Variants in DIP2B observed in about 807,000 individuals in gnomAD.
DIP2B encodes DIP2 acetate--CoA ligase B (putative), also known as disco-interacting protein 2 homolog B.
Under a neutral mutation model 198.0 loss-of-function variants are expected in DIP2B, and 76 were observed. That is an observed-to-expected ratio of 0.38 (90% CI 0.32 to 0.46). The LOEUF is 0.46. DIP2B is among the 20% of genes least tolerant of loss of function. DIP2B has a pLI of 0.99. For missense variants in DIP2B, 1,559 were observed against 1,978.4 expected, an observed-to-expected ratio of 0.79 and a Z score of 4.02; for synonymous variants, 701 against 739.1, an observed-to-expected ratio of 0.95 and a Z score of 0.84.
intron 31 of DIP2B, among the ~76,000 whole-genome samples, chr12:50,731,750 T>C (rs1940046687): frequency 6.6e-6 from 1 of 152,212 alleles, no homozygotes; most frequent in South Asian, 2.1e-4. Flanking sequence ...GATTCTTACT[T>C]TGTGGACAAG....
Position 50,685,975 on chromosome 12 carries a change from G to T in DIP2B, c.1441+19G>T, listed in dbSNP as rs758771326. 1.2e-6 allele frequency: 2 copies of T among 1,603,240 alleles called. No homozygotes were observed. Among genetic ancestry groups the T allele is most frequent in the Non-Finnish European group, 8.5e-7 (1 of 1,175,376 alleles). Reference sequence around the variant, plus strand: ...TTTAAAGGTTAGTAACATTGTACCTGAATTATCAGTTAAAAGTTAAAACTG... The same window carrying T: ...TTTAAAGGTTAGTAACATTGTACCTTAATTATCAGTTAAAAGTTAAAACTG... On this transcript the variant is annotated intron_variant, in intron 11 of 37. Transcript: ENST00000301180.
At chr12:50,657,222 A>AT (rs1938569787) in intron 3 of DIP2B, 2 of 98,250 alleles carry the variant, frequency 2.0e-5, no homozygotes, top group East Asian at 7.5e-4. Context: ...ATCTCTATTT[A>AT]CAAAAAAAAA....
intron 1 of DIP2B, among the ~76,000 whole-genome samples, chr12:50,529,150 A>G (rs1958193302): frequency 6.6e-6 from 1 of 152,056 alleles, no homozygotes; most frequent in African/African-American, 2.4e-5. Context: ...GTGTGGTGGC[A>G]TGCGCCTGTA....
intron 30 of DIP2B, among the ~76,000 whole-genome samples, chr12:50,730,370 T>TTC (rs752705883): frequency 4.4e-5 from 5 of 113,998 alleles, no homozygotes; most frequent in Non-Finnish European, 6.7e-5. Flanking sequence ...GTTTCTTTCT[T>TTC]TCTCTCTCTC....
chr12:50,725,396 G>A (rs2139591283), intron 28 of DIP2B, among the ~76,000 whole-genome samples: 1 of 152,280 alleles, frequency 6.6e-6, no homozygotes, highest in South Asian at 2.1e-4. Context: ...ATATGAAAAT[G>A]CTATACTTCG....
In DIP2B at chr12:50,722,170, T is replaced by C. The variant is rs1303826366; in HGVS notation, c.3166+774T>C. Among the ~76,000 whole-genome samples the C allele has an allele frequency of 2.6e-5, 4 of 152,210 alleles. 1 individual carries two copies. The highest frequency in any genetic ancestry group is 2.4e-5 in the African/African-American group (1 of 41,468). On this transcript the variant is annotated intron_variant, in intron 26 of 37. Transcript: ENST00000301180. ...TCCCTTCATTATTTCTGTCACCTAA[T>C]CCACTCATACATCCAGCTTTCTTTG...
At chr12:50,742,432 T>C in intron 37 of DIP2B, among the ~76,000 whole-genome samples, 1 of 117,158 alleles carries the variant, frequency 8.5e-6, no homozygotes, top group Non-Finnish European at 1.9e-5. Context: ...ACCACCTCTG[T>C]AGTGTTTACC....
At position 50,745,472 on chromosome 12, in the gene DIP2B, C is replaced by T. The variant is rs1244440070; in HGVS notation, c.*633C>T. On this transcript the variant is annotated 3_prime_UTR_variant, in exon 38 of 38. Coordinates refer to ENST00000301180, the MANE Select transcript of DIP2B (RefSeq NM_173602.3). ...ATAGTTATAACAACCACAGTAGAAA[C>T]ATTTCTACTTTGAGAGAATTTCAAT... The T allele has an allele frequency of 3.3e-5, 5 of 152,496 alleles. No homozygotes were observed. Among genetic ancestry groups the T allele is most frequent in the Non-Finnish European group, 7.3e-5 (5 of 68,140 alleles). The allele number at this position is 152,496 out of a possible 1,614,324, so 9.4% of individuals were successfully genotyped here. A position where few individuals can be genotyped will look rare whatever the true frequency, so the allele number is the denominator to read the frequency against.
rs754433584 is a variant in DIP2B at position 50,651,444 on chromosome 12, G to C, written c.302-8750G>C. On this transcript the variant is annotated intron_variant, in intron 3 of 37. Transcript: ENST00000301180. ...AGTTTTTTCCCTCTATTTCCTTCTA[G>C]GAGTTTAGTTTCCGGCCTTGCTGGT... Among the ~76,000 whole-genome samples the C allele has an allele frequency of 3.9e-5, 6 of 152,180 alleles. No homozygotes were observed. The South Asian group carries it at 6.2e-4, about 16-fold the overall frequency.
chr12:50,510,047 T>C (rs1264464247), intron 1 of DIP2B, among the ~76,000 whole-genome samples: 4 of 152,220 alleles, frequency 2.6e-5, no homozygotes, highest in African/African-American at 9.6e-5. Flanking sequence ...ATCCTCATGG[T>C]GGCAGATTTC....
At chr12:50,571,560 T>TG (rs1034981158) in intron 1 of DIP2B, among the ~76,000 whole-genome samples, 1 of 145,886 alleles carries the variant, frequency 6.9e-6, no homozygotes, top group African/African-American at 2.5e-5. Context: ...TTTTTTTTTT[T>TG]TTTTTTTTTT....
intron 12 of DIP2B, among the ~76,000 whole-genome samples, chr12:50,687,422 C>T (rs980057096): frequency 6.6e-6 from 1 of 152,274 alleles, no homozygotes; most frequent in East Asian, 1.9e-4. Context: ...GACATATGCT[C>T]ACCAATTGTT....
intron 1 of DIP2B, among the ~76,000 whole-genome samples, chr12:50,598,443 C>T (rs1958897477): frequency 6.6e-6 from 1 of 151,928 alleles, no homozygotes; most frequent in Admixed American, 6.6e-5. Flanking sequence ...CTGATTCCAT[C>T]CTCTTCCTCT....
intron 6 of DIP2B, among the ~76,000 whole-genome samples, chr12:50,674,999 C>T (rs1490302601): frequency 6.6e-6 from 1 of 152,112 alleles, no homozygotes; most frequent in Non-Finnish European, 1.5e-5. Flanking sequence ...CCCATCTCTA[C>T]TAAAAATACA....
chr12:50,648,788 G>A (rs1274848675), intron 3 of DIP2B, among the ~76,000 whole-genome samples: 1 of 151,682 alleles, frequency 6.6e-6, no homozygotes, highest in East Asian at 1.9e-4. Flanking sequence ...AGTGCAGATG[G>A]ACAAGAAAAA....
At chr12:50,582,294 G>T (rs1354240046) in intron 1 of DIP2B, among the ~76,000 whole-genome samples, 1 of 151,690 alleles carries the variant, frequency 6.6e-6, no homozygotes, top group African/African-American at 2.4e-5. Context: ...GGGATTACAG[G>T]TGCGCACCAC....
In DIP2B at chr12:50,505,114, T is replaced by G; in HGVS notation, c.-27T>G. 1.3e-6 allele frequency: 2 copies of G among 1,529,008 alleles called. No individual in the cohort carries two copies. Among genetic ancestry groups the G allele is most frequent in the African/African-American group, 1.4e-5 (1 of 71,736 alleles). The allele number at this position is 1,529,008 out of a possible 1,614,324, so 94.7% of individuals were successfully genotyped here. On this transcript the variant is annotated 5_prime_UTR_variant, in exon 1 of 38. Transcript: ENST00000301180. ...CCCTCCTTCGGCCCCCTCTCTTGTC[T>G]TCCGGAGTGTGGCTGGCGGAGCTGG...
intron 3 of DIP2B, among the ~76,000 whole-genome samples, chr12:50,647,278 C>G (rs547846764): frequency 5.1e-4 from 77 of 152,108 alleles, no homozygotes; most frequent in Admixed American, 1.6e-3. Flanking sequence ...TTTTTCTCCC[C>G]CCCGCCCAAA....
chr12:50,554,030 G>A (rs1280253165), intron 1 of DIP2B, among the ~76,000 whole-genome samples: 2 of 151,896 alleles, frequency 1.3e-5, no homozygotes, highest in African/African-American at 2.4e-5. Flanking sequence ...TTACACACAC[G>A]TATTTGAAAG....
Sources: gnomAD v4.1 joint callset for allele counts (sites outside exome capture counted in the v4.1 genomes callset) on GRCh38, gnomAD v4.1.1 for gene constraint, MANE v1.5 for transcripts, NCBI Gene and HGNC (gene_info 2026-07-23, HGNC 2026-07-21) for gene names.